Variants in ATP13A3 observed in about 807,000 individuals in gnomAD.
ATP13A3 encodes ATPase 13A3, also known as polyamine-transporting ATPase 13A3.
A neutral mutation model predicts 158.1 loss-of-function variants in ATP13A3; 59 were observed. That is an observed-to-expected ratio of 0.37 (90% CI 0.30 to 0.46). The LOEUF (loss-of-function observed/expected upper bound fraction) is 0.46, where lower values mean the gene tolerates loss of function less well. ATP13A3 is among the 20% of genes least tolerant of loss of function. The probability of loss-of-function intolerance (pLI) is 1.00; values close to 1 mark genes in which losing one functional copy is unlikely to be tolerated. For synonymous variants in ATP13A3, 491 were observed against 504.3 expected, an observed-to-expected ratio of 0.97 and a Z score of 0.35; for missense variants, 1,166 against 1,525.2, an observed-to-expected ratio of 0.76 and a Z score of 3.92.
chr3:194,415,629 C>CTGAAGTG (rs968608822), intron 31 of ATP13A3, among the ~76,000 whole-genome samples: 4 of 147,308 alleles, frequency 2.7e-5, no homozygotes, highest in Admixed American at 1.4e-4. Context: ...TTGTCTGTAA[C>CTGAAGTG]TGAAGTGTGC....
At chr3:194,433,974 T>C in intron 20 of ATP13A3, 78 bp from the exon 21 acceptor site, 2 of 1,365,956 alleles carry the variant, frequency 1.5e-6, no homozygotes, top group South Asian at 2.7e-5. Context: ...TTGAAATATC[T>C]AAACAATTAA....
At chr3:194,480,960 G>A (rs1720725425) in intron 2 of ATP13A3, among the ~76,000 whole-genome samples, 2 of 152,086 alleles carry the variant, frequency 1.3e-5, no homozygotes, top group Non-Finnish European at 1.5e-5. Flanking sequence ...TAAAACTACA[G>A]GAAAAACTGG....
upstream of ATP13A3, chr3:194,487,072 C>G (rs1030737984): frequency 2.0e-4 from 30 of 151,272 alleles, no homozygotes; most frequent in Admixed American, 2.6e-4. Flanking sequence ...CGGGCGACGT[C>G]AGGAGGCGGG....
chr3:194,458,906 T>A (rs1272368333), intron 6 of ATP13A3: 2 of 152,220 alleles, frequency 1.3e-5, no homozygotes, highest in Non-Finnish European at 1.5e-5. Flanking sequence ...AAATTAAGAA[T>A]TCCTTTGGCA....
chr3:194,423,690 C>T (rs1488743325), intron 30 of ATP13A3, among the ~76,000 whole-genome samples: 1 of 152,088 alleles, frequency 6.6e-6, no homozygotes. Flanking sequence ...TTAAATCATC[C>T]AGTGGCCAAA....
chr3:194,462,264 G>C lies in ATP13A3; in HGVS notation c.-46-28C>G, dbSNP rs1719716013. Reference sequence around the variant, plus strand: ...GAGGGAAGAAAGGGAACAGACGTTAGGGAACTATCTTCTATCTTAGTAGAC... The same window carrying C: ...GAGGGAAGAAAGGGAACAGACGTTACGGAACTATCTTCTATCTTAGTAGAC... On this transcript the variant is annotated intron_variant, in intron 2 of 33. Transcript: ENST00000645319. 9 of 1,387,026 alleles carry C rather than the reference G, an allele frequency of 6.5e-6. No individual in the cohort carries two copies. In the Admixed American group the frequency reaches 1.5e-4, roughly 24 times the overall value. 85.9% of individuals were successfully genotyped at this position (1,387,026 alleles called of 1,614,324 possible). A position where few individuals can be genotyped will look rare whatever the true frequency, so the allele number is the denominator to read the frequency against.
intron 20 of ATP13A3, among the ~76,000 whole-genome samples, chr3:194,435,458 T>C (rs1391859810): frequency 6.7e-6 from 1 of 150,268 alleles, no homozygotes; most frequent in African/African-American, 2.5e-5. Flanking sequence ...AACCTGTTTC[T>C]ACAAGGTCAA....
At chr3:194,418,291 A>G (rs1284569945) in intron 31 of ATP13A3, among the ~76,000 whole-genome samples, 7 of 152,164 alleles carry the variant, frequency 4.6e-5, no homozygotes, top group African/African-American at 1.7e-4. Context: ...GGAACAAATA[A>G]AGAAAGAAAT....
In ATP13A3 at chr3:194,431,829, T is replaced by C. The variant is rs1717245044; in HGVS notation, c.2309A>G (p.Lys770Arg). The change falls in exon 22 of 34, where the codon AAA (lysine) becomes AGA (arginine). Residue 770 changes from lysine to arginine, a missense_variant. Coordinates refer to ENST00000645319, the MANE Select transcript of ATP13A3 (RefSeq NM_001367549.1). Reference protein sequence around the residue: ...RDCGMILPQDKVIIAEALPPK... With the variant: ...RDCGMILPQDRVIIAEALPPK... ...AGGTAATGCTTCAGCAATAATCACT[T>C]TATCCTGAGGTAGAATCATTCCACA... is the stretch of plus-strand genomic sequence containing the variant. The C allele has an allele frequency of 6.2e-7, 1 of 1,613,016 alleles. No homozygotes were observed. The highest frequency in any genetic ancestry group is 1.7e-5 in the Admixed American group (1 of 59,774).
chr3:194,476,908 C>CAA (rs553479882), intron 2 of ATP13A3, among the ~76,000 whole-genome samples: 243 of 152,232 alleles, frequency 1.6e-3, no homozygotes, highest in Non-Finnish European at 1.8e-3. Context: ...AAGGGAGCCT[C>CAA]AACTGGGTTC....
intron 27 of ATP13A3, 66 bp downstream of exon 27, chr3:194,429,612 T>C (rs546942703): frequency 1.2e-5 from 15 of 1,260,780 alleles, no homozygotes; most frequent in Non-Finnish European, 1.7e-5. Context: ...ATCAAACACA[T>C]ACGCTCAACA....
At chr3:194,460,114 C>A in intron 4 of ATP13A3, 143 bp from the exon 5 acceptor site, 1 of 668,550 alleles carries the variant, frequency 1.5e-6, no homozygotes, top group Non-Finnish European at 2.4e-6. Context: ...AATATTAAAC[C>A]ATTTCATGAG....
intron 2 of ATP13A3, among the ~76,000 whole-genome samples, chr3:194,465,769 G>C (rs1396979084): frequency 1.3e-5 from 2 of 151,890 alleles, no homozygotes; most frequent in Admixed American, 1.3e-4. Flanking sequence ...TTCAAGACCA[G>C]CCTGGCCAAC....
intron 3 of ATP13A3, among the ~76,000 whole-genome samples, chr3:194,461,581 T>G (rs1279277906): frequency 1.3e-5 from 2 of 152,232 alleles, no homozygotes; most frequent in Non-Finnish European, 2.9e-5. Flanking sequence ...GTTGCCAGAT[T>G]TAATAAATGA....
At chr3:194,455,163 G>C (rs1719135533) in intron 8 of ATP13A3, among the ~76,000 whole-genome samples, 1 of 152,148 alleles carries the variant, frequency 6.6e-6, no homozygotes, top group African/African-American at 2.4e-5. Context: ...AGACAAATAT[G>C]AGTTAATGGG....
At chr3:194,417,958 CGGAA>C (rs1198337838) in intron 31 of ATP13A3, among the ~76,000 whole-genome samples, 4,571 of 76,694 alleles carry the variant, frequency 0.06, 173 homozygotes, top group Non-Finnish European at 0.075. Context: ...GACGGACGGA[CGGAA>C]GGAAGGAAGG....
In ATP13A3 at chr3:194,403,955, C is replaced by G. The variant is rs185581435; in HGVS notation, c.*1964G>C. 5.9e-6 allele frequency: 2 copies of G among 340,520 alleles called. No homozygotes were observed. The highest frequency in any genetic ancestry group is 8.4e-5 in the East Asian group (1 of 11,906). 21.1% of individuals were successfully genotyped at this position (340,520 alleles called of 1,614,324 possible). On this transcript the variant is annotated 3_prime_UTR_variant, in exon 34 of 34. Coordinates refer to ENST00000645319, the MANE Select transcript of ATP13A3 (RefSeq NM_001367549.1). ...TCAAAAATAGCTCTTTATGATCATG[C>G]TCTTAAAGATGTTAAATACAATCGG...
intron 20 of ATP13A3, among the ~76,000 whole-genome samples, chr3:194,435,399 T>G (rs914955142): frequency 6.6e-6 from 1 of 151,848 alleles, no homozygotes; most frequent in Non-Finnish European, 1.5e-5. Context: ...AGTTAGTGAA[T>G]AGTCCAATAT....
chr3:194,457,605 T>C (rs994463570), intron 6 of ATP13A3, among the ~76,000 whole-genome samples: 4 of 152,138 alleles, frequency 2.6e-5, no homozygotes, highest in Non-Finnish European at 4.4e-5. Flanking sequence ...TAGAGTCAAA[T>C]TAAGAATTTC....
Sources: allele counts gnomAD v4.1 joint callset (sites outside exome capture counted in the v4.1 genomes callset), GRCh38; gene constraint gnomAD v4.1.1; transcripts MANE v1.5; gene names NCBI Gene and HGNC (gene_info 2026-07-23, HGNC 2026-07-21).